TNRC6A: variants seen among roughly 807,000 people sequenced by gnomAD.
The protein encoded by TNRC6A is trinucleotide repeat containing adaptor 6A, also known as trinucleotide repeat-containing gene 6A protein.
A neutral mutation model predicts 221.2 loss-of-function variants in TNRC6A; 44 were observed. The ratio of observed to expected loss-of-function variants is 0.20; its 90% CI spans 0.16 to 0.26. TNRC6A has a LOEUF of 0.26. Among genes scored for constraint, TNRC6A ranks in the 10% least tolerant of loss-of-function variants. The pLI, the probability that TNRC6A is intolerant of heterozygous loss-of-function variation, is 1.00. For synonymous variants in TNRC6A, 847 were observed against 838.5 expected (o/e 1.01, Z -0.18); for missense variants, 2,199 against 2,404.4 (o/e 0.91, Z 1.79).
Position 24,822,067 on chromosome 16 carries a change from C to A in TNRC6A, c.5303-10C>A, listed in dbSNP as rs1240097547. 5 of 1,609,978 alleles carry A rather than the reference C, an allele frequency of 3.1e-6. No homozygotes were observed. Among genetic ancestry groups the A allele is most frequent in the Non-Finnish European group, 4.2e-6 (5 of 1,178,782 alleles). On this transcript the variant is annotated splice_polypyrimidine_tract_variant and intron_variant, in intron 22 of 24. Transcript: ENST00000395799. ...TGGAAAACTGACTTGTCCTTTTTTT[C>A]CTTGTTTAGGTTCCAGCTGGGGTGA...
At chr16:24,637,846 C>T (rs550636456) in intron 1 of TNRC6A, among the ~76,000 whole-genome samples, 1 of 152,162 alleles carries the variant, frequency 6.6e-6, no homozygotes, top group East Asian at 1.9e-4. Context: ...AGTGCAGTGG[C>T]CTGATCTTGG....
At chr16:24,784,054 T>G (rs567607509) in intron 5 of TNRC6A, among the ~76,000 whole-genome samples, 7 of 152,330 alleles carry the variant, frequency 4.6e-5, no homozygotes, top group African/African-American at 1.4e-4. Context: ...CAGGCTGGAG[T>G]GCAGTGGTGC....
chr16:24,732,266 A>G (rs2056662358), intron 2 of TNRC6A, among the ~76,000 whole-genome samples: 1 of 152,248 alleles, frequency 6.6e-6, no homozygotes, highest in South Asian at 2.1e-4. Flanking sequence ...TTTTCACAAA[A>G]AAGAATGTAT....
In TNRC6A at chr16:24,664,769, TCACACACACACACACACA is replaced by T. The variant is rs149786252; in HGVS notation, n.402+23787_402+23804del. ...AGGGTGCCTTGCAGTAATCCCCAAA[TCACACACACACACACACA>T]CACACACACACACACACACACACAC... On this transcript the variant is annotated intron_variant and non_coding_transcript_variant, in intron 2 of 2. Coordinates refer to the TNRC6A transcript ENST00000566108. 8.0e-3 allele frequency: 2,408 copies of T among 301,592 alleles called. 8 individuals are homozygous for T. Among genetic ancestry groups the T allele is most frequent in the East Asian group, 0.02 (255 of 12,958 alleles). The allele number at this position is 301,592 out of a possible 1,614,324, so 18.7% of individuals were successfully genotyped here.
intron 3 of TNRC6A, among the ~76,000 whole-genome samples, chr16:24,753,499 A>G (rs1176963861): frequency 6.6e-6 from 1 of 152,246 alleles, no homozygotes; most frequent in African/African-American, 2.4e-5. Flanking sequence ...CTTACAACTG[A>G]ATTTGAATAC....
rs201496654 is a variant in TNRC6A at position 24,790,021 on chromosome 16, T to G, written c.1379T>G (p.Met460Arg). ...MTGPNNTTNF[M>R]TSSLPNSGSV... ...GGACCAAATAACACTACTAACTTTA[T>G]GACCTCTAGTTTACCAAACTCCGGT... Residue 460 changes from methionine (M) to arginine (R), a missense_variant, in exon 6 of 25, where the codon ATG (methionine) becomes AGG (arginine). By Grantham distance (91) the Met-to-Arg change is moderately conservative. Around this residue, in one of 8 missense-constraint regions of TNRC6A, gnomAD observed 1,405 missense variants for 1,400.2 expected, o/e 1.00. Coordinates refer to ENST00000395799, the MANE Select transcript of TNRC6A (RefSeq NM_014494.4). 6.2e-7 allele frequency: 1 copy of G among 1,614,250 alleles called. No homozygotes were observed. Among genetic ancestry groups the G allele is most frequent in the Non-Finnish European group, 8.5e-7 (1 of 1,180,052 alleles).
intron 2 of TNRC6A, among the ~76,000 whole-genome samples, chr16:24,714,077 A>G (rs1369828328): frequency 6.6e-6 from 1 of 152,018 alleles, no homozygotes; most frequent in East Asian, 1.9e-4. Flanking sequence ...TTTTCATGAA[A>G]CTTGGAGAAA....
chr16:24,612,488 T>C (rs1900102104), intron 1 of TNRC6A, among the ~76,000 whole-genome samples: 2 of 151,930 alleles, frequency 1.3e-5, no homozygotes, highest in Admixed American at 1.3e-4. Flanking sequence ...GGCTCATATC[T>C]GTAATCCCAG....
At chr16:24,675,830 C>T (rs1029296272) in intron 2 of TNRC6A, among the ~76,000 whole-genome samples, 6 of 149,594 alleles carry the variant, frequency 4.0e-5, no homozygotes, top group Non-Finnish European at 8.9e-5. Context: ...GGAATTCATA[C>T]CACCTCTTCC....
chr16:24,731,787 T>C (rs1002712556), intron 2 of TNRC6A, among the ~76,000 whole-genome samples: 1 of 152,242 alleles, frequency 6.6e-6, no homozygotes, highest in Non-Finnish European at 1.5e-5. Flanking sequence ...GAGTCTGGGT[T>C]GGCTATTTAT....
chr16:24,667,356 C>T (rs2055194318), intron 2 of TNRC6A, among the ~76,000 whole-genome samples: 1 of 152,156 alleles, frequency 6.6e-6, no homozygotes, highest in Non-Finnish European at 1.5e-5. Context: ...ATGGCAACAA[C>T]AGGGATCCCA....
rs79270657 is a variant in TNRC6A at position 24,776,741 on chromosome 16, A to G, written c.164-192A>G. 16,314 of 985,374 alleles carry G rather than the reference A, an allele frequency of 0.017. 1,187 individuals are homozygous for G. The East Asian group carries it at 0.36, about 22-fold the overall frequency. The allele number at this position is 985,374 out of a possible 1,614,324, so 61.0% of individuals were successfully genotyped here. A position where few individuals can be genotyped will look rare whatever the true frequency, so the allele number is the denominator to read the frequency against. The stretch of plus-strand genomic sequence containing the variant: ...CCCTTATTGGGTAGGTAGGTAGCAG[A>G]AGTGAAATATGACTCTTGGCAGTGA... On this transcript the variant is annotated intron_variant, in intron 4 of 24. Transcript: ENST00000395799.
chr16:24,753,176 C>G (rs2057174298), intron 3 of TNRC6A, among the ~76,000 whole-genome samples: 1 of 152,202 alleles, frequency 6.6e-6, no homozygotes, highest in Admixed American at 6.5e-5. Context: ...TTTGACTTCT[C>G]ACCAAATCTG....
At chr16:24,625,496 CG>C (rs1900916653) in intron 1 of TNRC6A, among the ~76,000 whole-genome samples, 1 of 151,950 alleles carries the variant, frequency 6.6e-6, no homozygotes, top group Non-Finnish European at 1.5e-5. Flanking sequence ...GAGGCCGAGG[CG>C]GGTGGATCAT....
Position 24,720,110 on chromosome 16 carries a change from G to C in TNRC6A, n.403-30616G>C, listed in dbSNP as rs568902464. ...GGAGATGTTATAGAACATGTTAAAG[G>C]TATCAGGCTTTAAATCGAGAGCCCT... On this transcript the variant is annotated intron_variant and non_coding_transcript_variant, in intron 2 of 2. Transcript: ENST00000566108. Among the ~76,000 whole-genome samples the C allele has an allele frequency of 6.6e-5, 10 of 152,230 alleles. No individual in the cohort carries two copies. In the South Asian group the frequency reaches 1.9e-3, roughly 28 times the overall value.
chr16:24,768,929 G>A (rs977542940), intron 4 of TNRC6A, among the ~76,000 whole-genome samples: 6 of 152,074 alleles, frequency 3.9e-5, no homozygotes, highest in African/African-American at 1.4e-4. Flanking sequence ...ATTGTTGGCT[G>A]GTCCACATTT....
At chr16:24,673,630 G>T (rs7190833) in intron 2 of TNRC6A, among the ~76,000 whole-genome samples, 13,527 of 152,040 alleles carry the variant, frequency 0.089, 863 homozygotes, top group East Asian at 0.21. Context: ...GTGCAATCAC[G>T]GCTCACTGCA....
chr16:24,647,931 T>A (rs1374950842), intron 2 of TNRC6A, among the ~76,000 whole-genome samples: 1 of 152,082 alleles, frequency 6.6e-6, no homozygotes, highest in East Asian at 1.9e-4. Flanking sequence ...ATCTATGAGT[T>A]TGACTACTCT....
At chr16:24,679,687 G>A (rs989915682) in intron 2 of TNRC6A, among the ~76,000 whole-genome samples, 1 of 152,016 alleles carries the variant, frequency 6.6e-6, no homozygotes, top group African/African-American at 2.4e-5. Context: ...ACGTTGCCCA[G>A]GCTGGTCTCG....
Sources: gnomAD v4.1 joint callset for allele counts (sites outside exome capture counted in the v4.1 genomes callset) on GRCh38, gnomAD v4.1.1 for gene constraint, gnomAD v4.1.1 regional missense constraint, MANE v1.5 for transcripts, NCBI Gene and HGNC (gene_info 2026-07-23, HGNC 2026-07-21) for gene names.